The following PCDHA8 variants were observed in gnomAD, a reference collection of about 807,000 sequenced individuals.
The protein encoded by PCDHA8 is protocadherin alpha-8.
A neutral mutation model predicts 61.8 loss-of-function variants in PCDHA8; 53 were observed. The observed-to-expected ratio is 0.86, with a 90% CI of 0.69 to 1.08. The LOEUF (loss-of-function observed/expected upper bound fraction) is 1.08, where lower values mean the gene tolerates loss of function less well. PCDHA8 is among the 50% of genes least tolerant of loss of function. PCDHA8 has a pLI of 0.00. For missense variants in PCDHA8, 1,293 were observed against 1,245.0 expected, an observed-to-expected ratio of 1.04 and a Z score of -0.58; for synonymous variants, 618 against 556.6, an observed-to-expected ratio of 1.11 and a Z score of -1.55.
chr5:140,974,440 C>T (rs782138345), intron 1 of PCDHA8, among the ~76,000 whole-genome samples: 7 of 152,182 alleles, frequency 4.6e-5, no homozygotes, highest in Admixed American at 1.3e-4. Context: ...TGTAAATTAG[C>T]ATTTTAAATG....
At chr5:140,856,346 GAGTGC>G in intron 1 of PCDHA8, 1 of 1,598,632 alleles carries the variant, frequency 6.3e-7, no homozygotes, top group South Asian at 1.1e-5. Context: ...GCGGAGCGTG[GAGTGC>G]AGCATCCACC....
chr5:140,843,857 A>C, intron 1 of PCDHA8, 142 bp downstream of exon 1: 1 of 940,372 alleles, frequency 1.1e-6, no homozygotes, highest in Non-Finnish European at 1.6e-6. Context: ...TTTTATAATT[A>C]ATTGAATTTT....
rs373157192 is a variant in PCDHA8 at position 140,869,487 on chromosome 5, C to T, written c.2394+25772C>T. On this transcript the variant is annotated intron_variant, in intron 1 of 3. Transcript: ENST00000531613. ...ACGTGGAGGTGAAGGACATTAACGA[C>T]AACCCGCCGGTGTTCTCGCTCAGAG... The T allele has an allele frequency of 5.2e-5, 84 of 1,614,180 alleles. No homozygotes were observed. The African/African-American group carries it at 8.9e-4, about 17-fold the overall frequency.
chr5:140,933,359 C>G (rs2089088301), intron 1 of PCDHA8, among the ~76,000 whole-genome samples: 1 of 151,832 alleles, frequency 6.6e-6, no homozygotes, highest in Non-Finnish European at 1.5e-5. Context: ...TATTTCTAAC[C>G]CATCCCAAAT....
At chr5:140,983,771 A>G (rs963720761) in intron 3 of PCDHA8, among the ~76,000 whole-genome samples, 2 of 152,222 alleles carry the variant, frequency 1.3e-5, no homozygotes, top group Admixed American at 6.5e-5. Flanking sequence ...ATACATATCT[A>G]CATACATAAC....
intron 1 of PCDHA8, chr5:140,856,867 C>G (rs1554149232): frequency 6.3e-7 from 1 of 1,595,186 alleles, no homozygotes; most frequent in East Asian, 2.2e-5. Context: ...AAGGAATAAA[C>G]AAGGAAATGA....
At chr5:140,857,777 A>C in intron 1 of PCDHA8, 1 of 1,597,518 alleles carries the variant, frequency 6.3e-7, no homozygotes, top group South Asian at 1.1e-5. Flanking sequence ...CGGTGCAGTC[A>C]GTGAGCTGGT....
chr5:140,941,211 CTTCCTTTCTTT>C (rs782043135), intron 1 of PCDHA8, among the ~76,000 whole-genome samples: 8,933 of 129,680 alleles, frequency 0.069, 349 homozygotes, highest in Non-Finnish European at 0.093. Flanking sequence ...TCCTTTCTTT[CTTCCTTTCTTT>C]CTTTCTTTCT....
At chr5:140,991,356 T>C (rs574243681) in intron 3 of PCDHA8, among the ~76,000 whole-genome samples, 2 of 152,366 alleles carry the variant, frequency 1.3e-5, no homozygotes, top group Non-Finnish European at 2.9e-5. Flanking sequence ...AAAAGACTAT[T>C]TACTGTCTGA....
intron 1 of PCDHA8, chr5:140,875,344 A>G: frequency 1.4e-6 from 2 of 1,442,996 alleles, no homozygotes; most frequent in East Asian, 2.5e-5. Context: ...TCGACTCCAT[A>G]ATGACTGTGA....
chr5:140,980,239 A>G (rs1453927657), intron 2 of PCDHA8, among the ~76,000 whole-genome samples: 1 of 152,230 alleles, frequency 6.6e-6, no homozygotes, highest in Non-Finnish European at 1.5e-5. Flanking sequence ...TGGTGGAGAC[A>G]TGCAATGGGT....
chr5:140,967,980 A>G (rs1554230169), intron 1 of PCDHA8: 1 of 1,614,198 alleles, frequency 6.2e-7, no homozygotes, highest in African/African-American at 1.3e-5. Context: ...CTGGGTCTGG[A>G]GGCCACACTG....
Position 140,870,561 on chromosome 5 carries a change from C to A in PCDHA8, c.2394+26846C>A, listed in dbSNP as rs544569992. On this transcript the variant is annotated intron_variant, in intron 1 of 3. Transcript: ENST00000531613. Reference sequence around the variant, plus strand: ...CGCGGGACGCGGACGCGCAGGAGAACGCGCTGGTGTCCTACTCGCTGGTGG... The same window carrying A: ...CGCGGGACGCGGACGCGCAGGAGAAAGCGCTGGTGTCCTACTCGCTGGTGG... 86 of 1,614,010 alleles carry A rather than the reference C, an allele frequency of 5.3e-5. No homozygotes were observed. In the East Asian group the frequency reaches 1.7e-3, roughly 33 times the overall value.
chr5:140,998,195 A>C (rs1409926168), intron 3 of PCDHA8, among the ~76,000 whole-genome samples: 6 of 152,164 alleles, frequency 3.9e-5, no homozygotes, highest in African/African-American at 1.2e-4. Flanking sequence ...ACAAGTATTA[A>C]CTCCTTTAAT....
Position 140,883,957 on chromosome 5 carries a change from G to A in PCDHA8, c.2394+40242G>A, listed in dbSNP as rs879988838. ...TGCTGGACGAGAACGACAACGCTCC[G>A]GCGCTGCTGACGCCCGGGGCTGGCA... On this transcript the variant is annotated intron_variant, in intron 1 of 3. Coordinates refer to ENST00000531613, the MANE Select transcript of PCDHA8 (RefSeq NM_018911.3). 10 of 1,613,246 alleles carry A rather than the reference G, an allele frequency of 6.2e-6. No individual in the cohort carries two copies. In the East Asian group the frequency reaches 1.3e-4, roughly 22 times the overall value.
intron 3 of PCDHA8, among the ~76,000 whole-genome samples, chr5:141,009,130 G>A (rs1395175038): frequency 2.0e-5 from 3 of 152,188 alleles, no homozygotes; most frequent in African/African-American, 7.2e-5. Flanking sequence ...TGGTATCCTG[G>A]TGAAAAAACC....
chr5:140,929,327 T>A (rs782155915), intron 1 of PCDHA8: 1 of 1,536,752 alleles, frequency 6.5e-7, no homozygotes, highest in Admixed American at 2.1e-5. Context: ...AATGCCATGG[T>A]AAGCAAATTT....
In PCDHA8 at chr5:140,879,837, T is replaced by C. The variant is rs150709679; in HGVS notation, c.2394+36122T>C. ...GTTGGTGTTCCCTGGCTTGTGGCTGTACCACTCCCATCTCAGCCTTCTCAG... is the reference window on the plus strand; with the variant it reads ...GTTGGTGTTCCCTGGCTTGTGGCTGCACCACTCCCATCTCAGCCTTCTCAG... On this transcript the variant is annotated intron_variant, in intron 1 of 3. Coordinates refer to ENST00000531613, the MANE Select transcript of PCDHA8 (RefSeq NM_018911.3). Among the ~76,000 whole-genome samples, 861 of 152,350 alleles carry C rather than the reference T, an allele frequency of 5.7e-3. 5 individuals are homozygous for C. The highest frequency in any genetic ancestry group is 0.014 in the Middle Eastern group (4 of 294).
At chr5:140,908,226 T>A (rs1488573035) in intron 1 of PCDHA8, among the ~76,000 whole-genome samples, 1 of 152,140 alleles carries the variant, frequency 6.6e-6, no homozygotes, top group Non-Finnish European at 1.5e-5. Flanking sequence ...GAACCAGTCC[T>A]TAGTCTTCTC....
Sources: gnomAD v4.1 joint callset for allele counts (sites outside exome capture counted in the v4.1 genomes callset) on GRCh38, gnomAD v4.1.1 for gene constraint, MANE v1.5 for transcripts, NCBI Gene and HGNC (gene_info 2026-07-23, HGNC 2026-07-21) for gene names.